Variants in IPO5 observed in about 807,000 individuals in gnomAD.
IPO5 encodes importin 5, also known as importin-5.
Under a neutral mutation model 143.3 loss-of-function variants are expected in IPO5, and 18 were observed. That is an observed-to-expected ratio of 0.13 (90% CI 0.09 to 0.19). The LOEUF (loss-of-function observed/expected upper bound fraction) is 0.19. Among genes scored for constraint, IPO5 ranks in the 10% least tolerant of loss-of-function variants. The pLI is 1.00. For synonymous variants in IPO5, 477 were observed against 465.7 expected, an observed-to-expected ratio of 1.02 and a Z score of -0.31; for missense variants, 1,013 against 1,336.9, an observed-to-expected ratio of 0.76 and a Z score of 3.78.
At chr13:98,018,373 T>G (rs1302765493) in intron 25 of IPO5, 112 bp from the exon 26 acceptor site, 1 of 762,280 alleles carries the variant, frequency 1.3e-6, no homozygotes, top group Non-Finnish European at 2.2e-6. Flanking sequence ...TTTTCTTTTT[T>G]CTTTTGCCTG....
intron 16 of IPO5, 62 bp downstream of exon 16, chr13:98,003,099 G>T: frequency 7.9e-7 from 1 of 1,263,548 alleles, no homozygotes; most frequent in South Asian, 1.4e-5. Context: ...GATTTGATGG[G>T]TAAGAACTGG....
intron 6 of IPO5, among the ~76,000 whole-genome samples, chr13:97,988,600 C>G (rs553972732): frequency 6.6e-6 from 1 of 152,302 alleles, no homozygotes; most frequent in Admixed American, 6.5e-5. Context: ...CCAGCCTGGC[C>G]ATCATGGCCA....
intron 4 of IPO5, among the ~76,000 whole-genome samples, chr13:97,977,754 CA>C (rs1223217080): frequency 1.3e-5 from 2 of 152,124 alleles, no homozygotes; most frequent in South Asian, 2.1e-4. Context: ...GGGATACTTC[CA>C]GGGGAGGGAG....
intron 7 of IPO5, 66 bp downstream of exon 7, chr13:97,989,230 G>T: frequency 1.3e-6 from 1 of 798,876 alleles, no homozygotes; most frequent in Non-Finnish European, 2.1e-6. Flanking sequence ...CCTTTTAACT[G>T]ATTATTTTAG....
chr13:97,997,627 A>G lies in IPO5; in HGVS notation c.1001+9A>G, dbSNP rs1291048107. 6.3e-7 allele frequency: 1 copy of G among 1,578,896 alleles called. No individual in the cohort carries two copies. The highest frequency in any genetic ancestry group is 1.3e-5 in the African/African-American group (1 of 74,234). On this transcript the variant is annotated intron_variant, in intron 12 of 28. Coordinates refer to ENST00000651721, the MANE Select transcript of IPO5 (RefSeq NM_002271.6). Reference sequence around the variant, plus strand: ...GATGATGATTTTGACAGGTAATCAAACATTGTGTCCAGGGTGGCAGTGAAA... The same window carrying G: ...GATGATGATTTTGACAGGTAATCAAGCATTGTGTCCAGGGTGGCAGTGAAA...
intron 27 of IPO5, 40 bp from the exon 28 acceptor site, chr13:98,020,952 T>C: frequency 6.5e-7 from 1 of 1,543,764 alleles, no homozygotes; most frequent in Non-Finnish European, 8.9e-7. Flanking sequence ...TATTTCTCCT[T>C]ATAAATTTCA....
At chr13:97,996,259 C>G (rs1888278344) in intron 11 of IPO5, among the ~76,000 whole-genome samples, 1 of 152,032 alleles carries the variant, frequency 6.6e-6, no homozygotes, top group Non-Finnish European at 1.5e-5. Flanking sequence ...CCATGTTGCC[C>G]AGGCTGGTCT....
At chr13:97,974,152 A>G (rs1777378889) in intron 3 of IPO5, among the ~76,000 whole-genome samples, 1 of 152,188 alleles carries the variant, frequency 6.6e-6, no homozygotes, top group African/African-American at 2.4e-5. Context: ...TTAAGCAAAT[A>G]TATGTAACCT....
intron 2 of IPO5, among the ~76,000 whole-genome samples, chr13:97,963,763 A>G (rs1885080914): frequency 6.6e-6 from 1 of 152,094 alleles, no homozygotes. Flanking sequence ...AGTCTCTTGC[A>G]ACTCTAGATG....
intron 20 of IPO5, among the ~76,000 whole-genome samples, chr13:98,011,569 C>T (rs1889721924): frequency 6.7e-6 from 1 of 148,164 alleles, no homozygotes; most frequent in Non-Finnish European, 1.5e-5. Flanking sequence ...TATAGTGGTG[C>T]CATCCCGGCT....
At chr13:97,995,191 TTTG>T (rs1888162422) in intron 11 of IPO5, among the ~76,000 whole-genome samples, 1 of 148,600 alleles carries the variant, frequency 6.7e-6, no homozygotes, top group African/African-American at 2.6e-5. Flanking sequence ...TTTTTTTTTT[TTTG>T]TTTGTTTAAT....
intron 12 of IPO5, among the ~76,000 whole-genome samples, chr13:97,998,729 A>G (rs1566526951): frequency 6.6e-6 from 1 of 152,230 alleles, no homozygotes; most frequent in Non-Finnish European, 1.5e-5. Flanking sequence ...TTACAGTTGC[A>G]GAAAGGGAGA....
chr13:97,997,504 C>T (rs754879830), intron 11 of IPO5, 27 bp from the exon 12 acceptor site: 10 of 1,316,140 alleles, frequency 7.6e-6, no homozygotes, highest in East Asian at 4.7e-5. Context: ...TCACAGTCTT[C>T]GGGTATGAAA....
chr13:97,996,814 G>A (rs936574615), intron 11 of IPO5, among the ~76,000 whole-genome samples: 2 of 151,908 alleles, frequency 1.3e-5, no homozygotes, highest in African/African-American at 2.4e-5. Context: ...GGATGGTCTC[G>A]ATCTTCTGAC....
At chr13:97,975,105 GAAC>G (rs542138494) in intron 3 of IPO5, among the ~76,000 whole-genome samples, 4 of 152,148 alleles carry the variant, frequency 2.6e-5, no homozygotes, top group Non-Finnish European at 5.9e-5. Flanking sequence ...CAGCGGTGTA[GAAC>G]TACTCTTCCA....
chr13:97,986,114 C>G (rs891964430), intron 6 of IPO5, among the ~76,000 whole-genome samples: 1 of 146,790 alleles, frequency 6.8e-6, no homozygotes, highest in Non-Finnish European at 1.5e-5. Flanking sequence ...GACTATGTCT[C>G]AAAAAAAGGA....
intron 12 of IPO5, 105 bp downstream of exon 12, chr13:97,997,723 A>C (rs1022160823): frequency 6.0e-6 from 3 of 502,974 alleles, no homozygotes; most frequent in Non-Finnish European, 1.1e-5. Flanking sequence ...TTAAGCCTGG[A>C]ATATGGGGCA....
At chr13:97,964,443 C>CTTTTTTT (rs369952371) in intron 2 of IPO5, among the ~76,000 whole-genome samples, 5 of 108,212 alleles carry the variant, frequency 4.6e-5, no homozygotes, top group Non-Finnish European at 7.7e-5. Flanking sequence ...CCATTTCTTT[C>CTTTTTTT]TTTTTTTTTT....
intron 5 of IPO5, among the ~76,000 whole-genome samples, chr13:97,984,140 G>A (rs528119134): frequency 4.1e-4 from 62 of 150,000 alleles, no homozygotes; most frequent in Admixed American, 8.0e-4. Flanking sequence ...CACTACGCCC[G>A]GCTAATTTTT....
Sources: allele counts gnomAD v4.1 joint callset (sites outside exome capture counted in the v4.1 genomes callset), GRCh38; gene constraint gnomAD v4.1.1; transcripts MANE v1.5; gene names NCBI Gene and HGNC (gene_info 2026-07-23, HGNC 2026-07-21).